The following SLC4A7 variants were observed in gnomAD, a reference collection of about 807,000 sequenced individuals.
SLC4A7 encodes sodium bicarbonate cotransporter 3.
A neutral mutation model predicts 137.6 loss-of-function variants in SLC4A7; 51 were observed. The observed-to-expected ratio is 0.37, with a 90% CI of 0.30 to 0.47. The LOEUF (loss-of-function observed/expected upper bound fraction) is 0.47. Among genes scored for constraint, SLC4A7 ranks in the 20% least tolerant of loss-of-function variants. The pLI, the probability that SLC4A7 is intolerant of heterozygous loss-of-function variation, is 1.00. For missense variants in SLC4A7, 1,247 were observed against 1,525.4 expected (o/e 0.82, Z 3.04); for synonymous variants, 542 against 518.6 (o/e 1.05, Z -0.61).
intron 1 of SLC4A7, among the ~76,000 whole-genome samples, chr3:27,465,520 A>G (rs60419842): frequency 1.2e-4 from 18 of 151,514 alleles, no homozygotes; most frequent in East Asian, 9.7e-4. Context: ...CTGCTTTACA[A>G]TCATTACATT....
chr3:27,464,701 A>AAGCC (rs892010496), intron 1 of SLC4A7, among the ~76,000 whole-genome samples: 2 of 152,036 alleles, frequency 1.3e-5, no homozygotes, highest in South Asian at 2.1e-4. Flanking sequence ...TCAAAAAAAA[A>AAGCC]AGCCAGCCAG....
chr3:27,406,933 A>G (rs2053423640), intron 13 of SLC4A7, among the ~76,000 whole-genome samples: 1 of 152,070 alleles, frequency 6.6e-6, no homozygotes, highest in African/African-American at 2.4e-5. Context: ...AAAAAACAAA[A>G]AGCAGAAACA....
chr3:27,400,417 T>A (rs1433412520), intron 16 of SLC4A7, among the ~76,000 whole-genome samples: 6 of 152,182 alleles, frequency 3.9e-5, no homozygotes, highest in African/African-American at 1.4e-4. Flanking sequence ...TAAAATATTG[T>A]AAAGGACAGT....
At chr3:27,418,753 C>A in intron 10 of SLC4A7, 121 bp from the exon 11 acceptor site, 1 of 618,354 alleles carries the variant, frequency 1.6e-6, no homozygotes, top group South Asian at 2.3e-5. Flanking sequence ...ACTCTTATCT[C>A]AGGCAGGTAT....
At chr3:27,393,515 T>C (rs73821992) in intron 20 of SLC4A7, among the ~76,000 whole-genome samples, 4,834 of 152,258 alleles carry the variant, frequency 0.032, 257 homozygotes, top group African/African-American at 0.11. Context: ...AAGGGGAACC[T>C]GCATATACAA....
At chr3:27,472,986 A>AG (rs1408541504) in intron 1 of SLC4A7, among the ~76,000 whole-genome samples, 2 of 151,902 alleles carry the variant, frequency 1.3e-5, no homozygotes, top group African/African-American at 4.8e-5. Context: ...AGGCTGAGGC[A>AG]GGGGAATCGT....
chr3:27,483,539 GC>G (rs1479216727), intron 1 of SLC4A7, among the ~76,000 whole-genome samples: 2 of 152,264 alleles, frequency 1.3e-5, no homozygotes, highest in Non-Finnish European at 2.9e-5. Context: ...GCACCGCGGA[GC>G]GGGAGGGGAC....
chr3:27,420,879 A>G, intron 9 of SLC4A7, 92 bp from the exon 10 acceptor site: 1 of 835,530 alleles, frequency 1.2e-6, no homozygotes, highest in Non-Finnish European at 1.9e-6. Context: ...AAATATAAAC[A>G]AAGAAACAAC....
chr3:27,406,557 C>T (rs1266750718), intron 13 of SLC4A7, among the ~76,000 whole-genome samples: 3 of 152,162 alleles, frequency 2.0e-5, no homozygotes, highest in African/African-American at 7.2e-5. Flanking sequence ...TTAAAAGACA[C>T]TGCTAAGCCA....
intron 3 of SLC4A7, among the ~76,000 whole-genome samples, chr3:27,441,379 A>G (rs1256276252): frequency 6.6e-6 from 1 of 152,150 alleles, no homozygotes; most frequent in Admixed American, 6.6e-5. Flanking sequence ...AGCAAAGTCT[A>G]TATTATTTCT....
chr3:27,468,020 T>G (rs553491475), intron 1 of SLC4A7, among the ~76,000 whole-genome samples: 2 of 152,244 alleles, frequency 1.3e-5, no homozygotes, highest in African/African-American at 4.8e-5. Flanking sequence ...TCCTCTCAGG[T>G]TCAAGAGATT....
chr3:27,433,099 A>G (rs1202683930), intron 6 of SLC4A7: 1 of 152,204 alleles, frequency 6.6e-6, no homozygotes, highest in African/African-American at 2.4e-5. Flanking sequence ...TGTTGGTAGA[A>G]CACTTAAAAG....
intron 17 of SLC4A7, 90 bp downstream of exon 17, chr3:27,398,101 CA>C: frequency 2.1e-6 from 2 of 956,942 alleles, no homozygotes; most frequent in Non-Finnish European, 3.1e-6. Context: ...GTATTAACCT[CA>C]AAAAATATAT....
intron 3 of SLC4A7, among the ~76,000 whole-genome samples, chr3:27,446,140 A>AT (rs927459686): frequency 6.0e-4 from 91 of 150,482 alleles, no homozygotes; most frequent in East Asian, 1.9e-3. Flanking sequence ...ATATATATAT[A>AT]AAAATCATAC....
intron 1 of SLC4A7, among the ~76,000 whole-genome samples, chr3:27,474,060 G>C (rs1349733933): frequency 2.0e-5 from 3 of 152,086 alleles, no homozygotes; most frequent in Non-Finnish European, 4.4e-5. Flanking sequence ...CTATTCGACT[G>C]AACACTATGC....
intron 8 of SLC4A7, chr3:27,422,820 A>G (rs1326662303): frequency 4.4e-6 from 2 of 456,128 alleles, no homozygotes; most frequent in Non-Finnish European, 8.8e-6. Flanking sequence ...TGCCACAACT[A>G]CAGTGCCAGG....
chr3:27,481,338 G>A (rs541811446), intron 1 of SLC4A7, among the ~76,000 whole-genome samples: 2 of 152,192 alleles, frequency 1.3e-5, no homozygotes, highest in Non-Finnish European at 2.9e-5. Flanking sequence ...CAACCATAGA[G>A]GCTAAACTAT....
At chr3:27,413,371 C>G (rs1263188878) in intron 11 of SLC4A7, among the ~76,000 whole-genome samples, 1 of 152,012 alleles carries the variant, frequency 6.6e-6, no homozygotes, top group East Asian at 1.9e-4. Context: ...TATTCCACAC[C>G]ATTTAAAACT....
chr3:27,432,060 T>TA (rs1282866613), intron 6 of SLC4A7, among the ~76,000 whole-genome samples: 2 of 152,172 alleles, frequency 1.3e-5, no homozygotes, highest in Non-Finnish European at 2.9e-5. Context: ...TAACCAAAAC[T>TA]AATAGCTTAT....
Sources: gnomAD v4.1 joint callset for allele counts (sites outside exome capture counted in the v4.1 genomes callset) on GRCh38, gnomAD v4.1.1 for gene constraint, MANE v1.5 for transcripts, NCBI Gene and HGNC (gene_info 2026-07-23, HGNC 2026-07-21) for gene names.